NLRP5: variants seen among roughly 807,000 people sequenced by gnomAD.
The protein encoded by NLRP5 is NLR family pyrin domain containing 5.
A neutral mutation model predicts 113.1 loss-of-function variants in NLRP5; 93 were observed. The observed-to-expected ratio is 0.82, with a 90% CI of 0.70 to 0.98. NLRP5 has a LOEUF of 0.98. Ranked by LOEUF, NLRP5 falls within the 50% of genes least tolerant of loss-of-function variation. The probability of loss-of-function intolerance (pLI) is 0.00; values close to 1 mark genes in which losing one functional copy is unlikely to be tolerated. For synonymous variants in NLRP5, 751 were observed against 600.7 expected, an observed-to-expected ratio of 1.25 and a Z score of -3.66; for missense variants, 1,808 against 1,514.3, an observed-to-expected ratio of 1.19 and a Z score of -3.22.
At chr19:56,019,501 T>G in intron 5 of NLRP5, 103 bp downstream of exon 5, 1 of 1,333,600 alleles carries the variant, frequency 7.5e-7, no homozygotes, top group Non-Finnish European at 1.1e-6. Flanking sequence ...TAGATTGCCT[T>G]TCTTCATTCT....
chr19:56,045,113 G>C (rs1185948134), intron 11 of NLRP5, among the ~76,000 whole-genome samples: 10 of 152,218 alleles, frequency 6.6e-5, no homozygotes. Flanking sequence ...TTCTGGAGGA[G>C]TCCTTAGAGC....
At chr19:55,998,410 T>G (rs1165484092), upstream of NLRP5, among the ~76,000 whole-genome samples, 4 of 151,892 alleles carry the variant, frequency 2.6e-5, no homozygotes, top group Admixed American at 2.6e-4. Context: ...TCCCAGCACT[T>G]TGGGAGGCCG....
At chr19:56,008,173 C>T in intron 2 of NLRP5, among the ~76,000 whole-genome samples, 1 of 151,724 alleles carries the variant, frequency 6.6e-6, no homozygotes, top group African/African-American at 2.4e-5. Context: ...CGTGATCCAC[C>T]TGCCTCAGCC....
upstream of NLRP5, among the ~76,000 whole-genome samples, chr19:55,995,265 GA>G (rs906555132): frequency 5.3e-5 from 8 of 152,182 alleles, no homozygotes; most frequent in African/African-American, 1.9e-4. Context: ...TGCAAACGAT[GA>G]GTTCATGGGT....
At chr19:55,987,953 T>C in the NLRP5 span, 6 of 1,482,628 alleles carry the variant, frequency 4.0e-6, no homozygotes, top group Non-Finnish European at 5.7e-6. Context: ...ATTGATCAGT[T>C]CCCACTCTGA....
chr19:55,999,334 C>G (rs1034012753), upstream of NLRP5, among the ~76,000 whole-genome samples: 42 of 151,186 alleles, frequency 2.8e-4, no homozygotes, highest in African/African-American at 8.5e-4. Context: ...TCTGCCTCAG[C>G]CTCCCGAGTA....
intron 11 of NLRP5, among the ~76,000 whole-genome samples, chr19:56,050,082 C>G (rs986537273): frequency 3.3e-5 from 5 of 152,016 alleles, no homozygotes; most frequent in African/African-American, 9.7e-5. Context: ...GAGTTCGAGA[C>G]CATCCTGGTC....
At chr19:56,038,559 C>A (rs566379622) in intron 10 of NLRP5, among the ~76,000 whole-genome samples, 5 of 152,270 alleles carry the variant, frequency 3.3e-5, no homozygotes, top group African/African-American at 9.6e-5. Flanking sequence ...CACTCAGTCA[C>A]TCAAAGAACA....
rs141376580 is a variant in NLRP5, at chr19:56,055,189, A to G, written c.3299+1381A>G. On this transcript the variant is annotated intron_variant, in intron 13 of 14. Transcript: ENST00000390649. ...GTATGTTTAGCAGAGACAGGGTTTCACCGTGTTAGCCAGGCTGCTTTTAAA... is the reference window on the plus strand; with the variant it reads ...GTATGTTTAGCAGAGACAGGGTTTCGCCGTGTTAGCCAGGCTGCTTTTAAA... Among the ~76,000 whole-genome samples, 842 of 151,574 alleles carry G rather than the reference A, an allele frequency of 5.6e-3. 25 individuals are homozygous for G. Among genetic ancestry groups the G allele is most frequent in the Admixed American group, 0.035 (527 of 15,204 alleles).
the NLRP5 span, among the ~76,000 whole-genome samples, chr19:55,989,277 A>G: frequency 3.3e-5 from 5 of 152,178 alleles, no homozygotes; most frequent in African/African-American, 1.2e-4. Flanking sequence ...TATGTGTTAG[A>G]CAAAGTCTCC....
At chr19:56,001,003 T>C (rs1355654176) in intron 1 of NLRP5, among the ~76,000 whole-genome samples, 1 of 147,780 alleles carries the variant, frequency 6.8e-6, no homozygotes, top group East Asian at 2.1e-4. Context: ...TGAGACTCTA[T>C]CAAAAAGAAA....
At chr19:55,990,777 A>G in the NLRP5 span, among the ~76,000 whole-genome samples, 6 of 152,278 alleles carry the variant, frequency 3.9e-5, no homozygotes, top group African/African-American at 1.4e-4. Flanking sequence ...GTGAGCCGAG[A>G]TGGTGCCACT....
upstream of NLRP5, among the ~76,000 whole-genome samples, chr19:55,996,524 C>T (rs1054945508): frequency 6.6e-6 from 1 of 152,098 alleles, no homozygotes; most frequent in Non-Finnish European, 1.5e-5. Flanking sequence ...GTGTGACGTT[C>T]CCCTTCCTGT....
rs373456903 is a variant in NLRP5, at chr19:56,028,468, A to G, written c.2235A>G (p.Pro745=). 12 of 1,613,738 alleles carry G rather than the reference A, an allele frequency of 7.4e-6. No homozygotes were observed. In the African/African-American group the frequency reaches 1.3e-4, roughly 18 times the overall value. The stretch of plus-strand genomic sequence containing the variant: ...GGGTGGATGTCAAAGGGATCTTCCC[A>G]AGAGATGAGTCCGCTGAGGCATGTC... Residue 745 remains proline (P), a synonymous_variant, in exon 7 of 15, where the codon CCA becomes CCG. Transcript: ENST00000390649.
Position 56,027,057 on chromosome 19 carries a change from G to A in NLRP5, c.824G>A (p.Trp275Ter), listed in dbSNP as rs1982884269. The A allele has an allele frequency of 6.4e-7, 1 of 1,555,070 alleles. No individual in the cohort carries two copies. Among genetic ancestry groups the A allele is most frequent in the African/African-American group, 1.4e-5 (1 of 73,204 alleles). ...GCTGGTGCTTTTGATTCAGACCGGT[G>A]GGGCTTCCGGCCTCGCACGGTGGTT... is the stretch of plus-strand genomic sequence containing the variant. The change falls in exon 7 of 15, where the codon TGG (tryptophan) becomes TAG (stop). Residue 275 changes from tryptophan (W) to a stop codon, truncating the protein, a stop_gained. Coordinates refer to ENST00000390649, the MANE Select transcript of NLRP5 (RefSeq NM_153447.4). LOFTEE classifies it high-confidence loss of function.
intron 10 of NLRP5, among the ~76,000 whole-genome samples, chr19:56,038,791 G>A (rs1313748594): frequency 6.6e-6 from 1 of 152,166 alleles, no homozygotes; most frequent in Non-Finnish European, 1.5e-5. Context: ...CAGCAGTTCT[G>A]CACCCCTAAC....
rs1282767701 is a variant in NLRP5 at position 56,036,958 on chromosome 19, AAAT to A, written c.2616-1055_2616-1053del. Among the ~76,000 whole-genome samples, 12 of 152,130 alleles carry A rather than the reference AAAT, an allele frequency of 7.9e-5. No individual in the cohort carries two copies. The East Asian group carries it at 1.3e-3, about 17-fold the overall frequency. ...GGTGACAGAGTGAGACTGTCTCAAAAAATAATAATAATAAAATAAACCTGCTTC... is the reference window on the plus strand; with the variant it reads ...GGTGACAGAGTGAGACTGTCTCAAAAAATAATAATAAAATAAACCTGCTTC... On this transcript the variant is annotated intron_variant, in intron 9 of 14. Transcript: ENST00000390649.
At position 56,061,487 on chromosome 19, in the gene NLRP5, C is replaced by T; in HGVS notation, c.3562C>T (p.His1188Tyr). The T allele has an allele frequency of 6.2e-7, 1 of 1,614,002 alleles. No homozygotes were observed. The change falls in exon 15 of 15, where the codon CAT becomes TAT. Residue 1188 changes from histidine (H) to tyrosine (Y), a missense_variant. Coordinates refer to ENST00000390649, the MANE Select transcript of NLRP5 (RefSeq NM_153447.4). Reference sequence around the variant, plus strand: ...CCGAGTCGTAATTGACGGTAGTTGGCATTCTTTTGATGAAGATGACCGGTA... The same window carrying T: ...CCGAGTCGTAATTGACGGTAGTTGGTATTCTTTTGATGAAGATGACCGGTA...
rs1017171492 is a variant in NLRP5 at position 56,025,353 on chromosome 19, C to T, written c.680-1560C>T. Among the ~76,000 whole-genome samples the T allele has an allele frequency of 2.6e-4, 39 of 150,844 alleles. 1 individual carries two copies. Among genetic ancestry groups the T allele is most frequent in the Non-Finnish European group, 1.6e-4 (11 of 67,592 alleles). On this transcript the variant is annotated intron_variant, in intron 6 of 14. Coordinates refer to ENST00000390649, the MANE Select transcript of NLRP5 (RefSeq NM_153447.4). The stretch of plus-strand genomic sequence containing the variant: ...TCTACCGTAGAGCTTGGGTTCCAGG[C>T]GGGATCTGTTTGACCTCAAGGAACG...
Sources: allele counts gnomAD v4.1 joint callset (sites outside exome capture counted in the v4.1 genomes callset), GRCh38; gene constraint gnomAD v4.1.1; transcripts MANE v1.5; gene names NCBI Gene and HGNC (gene_info 2026-07-23, HGNC 2026-07-21).